The following CAMKMT variants were observed in gnomAD, a reference collection of about 807,000 sequenced individuals.
CAMKMT encodes calmodulin-lysine N-methyltransferase, also known as CaM KMT.
Under a neutral mutation model 48.0 loss-of-function variants are expected in CAMKMT, and 53 were observed. The ratio of observed to expected loss-of-function variants is 1.10; its 90% CI spans 0.89 to 1.39. The LOEUF is 1.39. Among genes scored for constraint, CAMKMT ranks in the 40% most tolerant of loss-of-function variants. CAMKMT has a pLI of 0.00. For missense variants in CAMKMT, 428 were observed against 402.7 expected (o/e 1.06, Z -0.54); for synonymous variants, 165 against 152.3 (o/e 1.08, Z -0.61).
intron 3 of CAMKMT, among the ~76,000 whole-genome samples, chr2:44,672,389 C>CATTTCA (rs1241542999): frequency 9.6e-4 from 146 of 152,224 alleles, no homozygotes; most frequent in African/African-American, 3.3e-3. Flanking sequence ...GTTTTCGTGG[C>CATTTCA]TAAAATAGTA....
At chr2:44,497,762 T>C (rs971138464) in intron 3 of CAMKMT, among the ~76,000 whole-genome samples, 5 of 141,846 alleles carry the variant, frequency 3.5e-5, no homozygotes, top group Admixed American at 1.6e-4. Context: ...TATGAAGGGC[T>C]ATAGGCAGCC....
At chr2:44,595,857 C>G (rs1008403713) in intron 3 of CAMKMT, among the ~76,000 whole-genome samples, 8 of 152,010 alleles carry the variant, frequency 5.3e-5, no homozygotes, top group African/African-American at 1.5e-4. Context: ...AGCTGGAAAC[C>G]ATCATTCTCA....
At chr2:44,489,979 A>G (rs543989332) in intron 3 of CAMKMT, among the ~76,000 whole-genome samples, 1 of 151,996 alleles carries the variant, frequency 6.6e-6, no homozygotes, top group Non-Finnish European at 1.5e-5. Flanking sequence ...AATCTAATGT[A>G]TATATTAGAT....
At chr2:44,406,743 C>T (rs962365323) in intron 3 of CAMKMT, among the ~76,000 whole-genome samples, 3 of 152,056 alleles carry the variant, frequency 2.0e-5, no homozygotes, top group South Asian at 2.1e-4. Context: ...ACTATGGAAG[C>T]GCACTACCAG....
intron 2 of CAMKMT, 47 bp downstream of exon 2, chr2:44,372,935 G>C (rs770958697): frequency 1.2e-5 from 17 of 1,476,506 alleles, no homozygotes; most frequent in South Asian, 1.3e-5. Context: ...GATTTCTCTT[G>C]GATAAGAAAA....
Position 44,735,317 on chromosome 2 carries a change from A to G in CAMKMT, c.624-8305A>G, listed in dbSNP as rs576244019. Among the ~76,000 whole-genome samples, 18 of 152,288 alleles carry G rather than the reference A, an allele frequency of 1.2e-4. No individual in the cohort carries two copies. In the South Asian group the frequency reaches 3.7e-3, roughly 32 times the overall value. On this transcript the variant is annotated intron_variant, in intron 7 of 10. Transcript: ENST00000378494. ...TCCAGTCTGACACACTCTGCCTTTTAATTGGAGCGTTCAGACCATTTTTGT... is the reference window on the plus strand; with the variant it reads ...TCCAGTCTGACACACTCTGCCTTTTGATTGGAGCGTTCAGACCATTTTTGT...
intron 3 of CAMKMT, among the ~76,000 whole-genome samples, chr2:44,667,317 T>TA (rs1377697435): frequency 1.3e-5 from 2 of 152,208 alleles, no homozygotes; most frequent in Non-Finnish European, 2.9e-5. Flanking sequence ...CAGCAGATGA[T>TA]ATCCCCATCC....
intron 1 of CAMKMT, among the ~76,000 whole-genome samples, chr2:44,368,053 G>A (rs1021260704): frequency 5.9e-5 from 9 of 152,138 alleles, no homozygotes; most frequent in Admixed American, 3.3e-4. Context: ...TACCTAATGG[G>A]TTTAGGGACC....
intron 3 of CAMKMT, among the ~76,000 whole-genome samples, chr2:44,460,457 A>C (rs1239974798): frequency 6.6e-6 from 1 of 152,166 alleles, no homozygotes; most frequent in Non-Finnish European, 1.5e-5. Flanking sequence ...TATATAATTT[A>C]TAAAGTTCTA....
In CAMKMT at chr2:44,509,956, A is replaced by G. The variant is rs751151543; in HGVS notation, c.376+119651A>G. On this transcript the variant is annotated intron_variant, in intron 3 of 10. Coordinates refer to ENST00000378494, the MANE Select transcript of CAMKMT (RefSeq NM_024766.5). ...CAGAATAAACCTTTTTTCTTTGTAA[A>G]TTACCCAGGCTCAGGTATTCTGTTA... Among the ~76,000 whole-genome samples the G allele has an allele frequency of 9.2e-5, 14 of 152,170 alleles. 1 individual carries two copies. Among genetic ancestry groups the G allele is most frequent in the Non-Finnish European group, 1.9e-4 (13 of 68,034 alleles).
intron 3 of CAMKMT, among the ~76,000 whole-genome samples, chr2:44,610,480 G>A (rs556964086): frequency 1.3e-5 from 2 of 152,230 alleles, no homozygotes; most frequent in African/African-American, 4.8e-5. Context: ...AAACCTCTAA[G>A]TTTCCTCCAT....
intron 3 of CAMKMT, among the ~76,000 whole-genome samples, chr2:44,628,573 G>GT (rs1312468095): frequency 6.7e-6 from 1 of 150,152 alleles, no homozygotes; most frequent in Non-Finnish European, 1.5e-5. Context: ...TAGATACAAG[G>GT]TCTCACTATG....
chr2:44,568,491 T>G (rs1326037054), intron 3 of CAMKMT, among the ~76,000 whole-genome samples: 5 of 152,132 alleles, frequency 3.3e-5, no homozygotes, highest in Non-Finnish European at 7.3e-5. Context: ...CACCCACAGC[T>G]CTGTGGTCCT....
At chr2:44,474,725 G>A (rs1055880761) in intron 3 of CAMKMT, among the ~76,000 whole-genome samples, 2 of 152,138 alleles carry the variant, frequency 1.3e-5, no homozygotes, top group Non-Finnish European at 2.9e-5. Flanking sequence ...CACTATGCCA[G>A]ACCAAATGCT....
At chr2:44,565,066 G>A (rs571081317) in intron 3 of CAMKMT, among the ~76,000 whole-genome samples, 1 of 152,246 alleles carries the variant, frequency 6.6e-6, no homozygotes, top group East Asian at 1.9e-4. Context: ...TTTCTACTGG[G>A]TTGAGGGTTC....
At chr2:44,760,075 G>C (rs1680554906) in intron 9 of CAMKMT, among the ~76,000 whole-genome samples, 1 of 152,064 alleles carries the variant, frequency 6.6e-6, no homozygotes, top group South Asian at 2.1e-4. Context: ...ATATGCACTA[G>C]GAGCACTGTG....
At chr2:44,464,316 A>G (rs929461914) in intron 3 of CAMKMT, among the ~76,000 whole-genome samples, 3 of 152,200 alleles carry the variant, frequency 2.0e-5, no homozygotes, top group East Asian at 3.8e-4. Context: ...AAGAATGAAG[A>G]AAAGTAAAGA....
At chr2:44,465,132 A>G (rs1419144049) in intron 3 of CAMKMT, among the ~76,000 whole-genome samples, 2 of 152,192 alleles carry the variant, frequency 1.3e-5, no homozygotes, top group Non-Finnish European at 2.9e-5. Context: ...CACTGGTAAC[A>G]TAGAGGGAAG....
At chr2:44,580,540 G>A (rs987179949) in intron 3 of CAMKMT, among the ~76,000 whole-genome samples, 2 of 152,126 alleles carry the variant, frequency 1.3e-5, no homozygotes, top group Admixed American at 6.5e-5. Flanking sequence ...TGTGAAAATA[G>A]TGTTTTTCAC....
Sources: allele counts gnomAD v4.1 joint callset (sites outside exome capture counted in the v4.1 genomes callset), GRCh38; gene constraint gnomAD v4.1.1; transcripts MANE v1.5; gene names NCBI Gene and HGNC (gene_info 2026-07-23, HGNC 2026-07-21).